DNAJA3: variants seen among roughly 807,000 people sequenced by gnomAD.
DNAJA3 encodes dnaJ homolog subfamily A member 3, mitochondrial.
A neutral mutation model predicts 54.9 loss-of-function variants in DNAJA3; 29 were observed. The ratio of observed to expected loss-of-function variants is 0.53; its 90% CI spans 0.39 to 0.72. The LOEUF is 0.72. Among genes scored for constraint, DNAJA3 ranks in the 30% least tolerant of loss-of-function variants. DNAJA3 has a pLI of 0.00. For synonymous variants in DNAJA3, 302 were observed against 251.4 expected, an observed-to-expected ratio of 1.20 and a Z score of -1.90; for missense variants, 708 against 639.4, an observed-to-expected ratio of 1.11 and a Z score of -1.16.
At chr16:4,453,917 C>A (rs974829272) in intron 10 of DNAJA3, among the ~76,000 whole-genome samples, 1 of 152,174 alleles carries the variant, frequency 6.6e-6, no homozygotes, top group African/African-American at 2.4e-5. Context: ...ATGAGCTCTA[C>A]AATTAACATG....
chr16:4,454,162 G>T (rs2057009027), intron 10 of DNAJA3, among the ~76,000 whole-genome samples: 1 of 152,220 alleles, frequency 6.6e-6, no homozygotes, highest in South Asian at 2.1e-4. Flanking sequence ...TGGAGTGCCT[G>T]TGACAAAGGA....
intron 10 of DNAJA3, among the ~76,000 whole-genome samples, chr16:4,452,837 A>C (rs1397525141): frequency 6.6e-6 from 1 of 152,132 alleles, no homozygotes; most frequent in Non-Finnish European, 1.5e-5. Flanking sequence ...CTTGAGCCTT[A>C]GTACTCAAGG....
At chr16:4,429,313 T>A (rs1225817862) in intron 1 of DNAJA3, among the ~76,000 whole-genome samples, 1 of 152,100 alleles carries the variant, frequency 6.6e-6, no homozygotes, top group African/African-American at 2.4e-5. Context: ...ATCCTCCGCT[T>A]CCTGGGTTCA....
chr16:4,429,951 G>A (rs1190337880), intron 1 of DNAJA3, among the ~76,000 whole-genome samples: 2 of 151,680 alleles, frequency 1.3e-5, no homozygotes, highest in Non-Finnish European at 2.9e-5. Flanking sequence ...GAGCCATGAT[G>A]ATGCCACTGC....
chr16:4,437,171 G>T (rs2056781677), intron 2 of DNAJA3, among the ~76,000 whole-genome samples: 1 of 152,006 alleles, frequency 6.6e-6, no homozygotes, highest in South Asian at 2.1e-4. Context: ...GGGTTTCGCT[G>T]TGTTGCCCAG....
intron 1 of DNAJA3, among the ~76,000 whole-genome samples, chr16:4,429,669 T>G (rs996912769): frequency 1.6e-4 from 25 of 152,184 alleles, no homozygotes; most frequent in Middle Eastern, 3.4e-3. Flanking sequence ...ACCCCGTCTC[T>G]ACAAAAAATA....
At chr16:4,447,254 G>A (rs989482884) in intron 8 of DNAJA3, 10 of 505,660 alleles carry the variant, frequency 2.0e-5, no homozygotes, top group African/African-American at 7.8e-5. Flanking sequence ...ACTGGTTAGC[G>A]GGGCCTGGGA....
intron 3 of DNAJA3, among the ~76,000 whole-genome samples, chr16:4,439,580 G>T (rs955770904): frequency 1.3e-5 from 2 of 152,146 alleles, no homozygotes; most frequent in Non-Finnish European, 2.9e-5. Context: ...TTTTCCACAT[G>T]GTTAGTTGAT....
At chr16:4,442,484 T>C (rs1449542102) in intron 5 of DNAJA3, 64 bp downstream of exon 5, 1 of 1,486,900 alleles carries the variant, frequency 6.7e-7, no homozygotes, top group East Asian at 2.4e-5. Flanking sequence ...GAGCTGGTTG[T>C]GGCACTGCTC....
At position 4,443,027 on chromosome 16, in the gene DNAJA3, A is replaced by C. The variant is rs370873962; in HGVS notation, c.794A>C (p.Asn265Thr). The C allele has an allele frequency of 2.5e-6, 4 of 1,614,066 alleles. No homozygotes were observed. The highest frequency in any genetic ancestry group is 3.4e-6 in the Non-Finnish European group (4 of 1,179,998). ...TCTTGTTTTTATCAGGAAACCATCA[A>C]CACAGGCCCTTTTGTGATGCGTTCC... is the stretch of plus-strand genomic sequence containing the variant. ...YCGGSGMETINTGPFVMRSTC... is the reference protein window; with the variant it reads ...YCGGSGMETITTGPFVMRSTC... The change falls in exon 6 of 12, where the codon AAC (asparagine) becomes ACC (threonine). Residue 265 changes from asparagine (N) to threonine (T), a missense_variant. By Grantham distance (65) the Asn-to-Thr change is moderately conservative (BLOSUM62 0). Coordinates refer to ENST00000262375, the MANE Select transcript of DNAJA3 (RefSeq NM_005147.6).
At chr16:4,447,450 T>C (rs6500602) in intron 8 of DNAJA3, 106,564 of 158,834 alleles carry the variant, frequency 0.67, 36,125 homozygotes, top group Non-Finnish European at 0.71. Flanking sequence ...CCTCCAGCTC[T>C]TCCCACCTCC....
At chr16:4,445,763 G>C (rs1034325990) in intron 7 of DNAJA3, among the ~76,000 whole-genome samples, 1 of 151,806 alleles carries the variant, frequency 6.6e-6, no homozygotes, top group Non-Finnish European at 1.5e-5. Context: ...TGTTGCCCAG[G>C]GTGGTCTCAA....
At chr16:4,446,148 T>C (rs2056899558) in intron 7 of DNAJA3, among the ~76,000 whole-genome samples, 1 of 149,540 alleles carries the variant, frequency 6.7e-6, no homozygotes, top group South Asian at 2.1e-4. Flanking sequence ...CTCGAATTCC[T>C]GACCTCAGGT....
At position 4,432,504 on chromosome 16, in the gene DNAJA3, G is replaced by A. The variant is rs187604006; in HGVS notation, c.212-1880G>A. On this transcript the variant is annotated intron_variant, in intron 1 of 11. Coordinates refer to ENST00000262375, the MANE Select transcript of DNAJA3 (RefSeq NM_005147.6). ...ATTACAGGCATGTACCACCACATCC[G>A]GCTAATTTTGTATTTTTAGTAGAGA... is the stretch of plus-strand genomic sequence containing the variant. Among the ~76,000 whole-genome samples, 413 of 151,350 alleles carry A rather than the reference G, an allele frequency of 2.7e-3. 1 individual carries two copies. The highest frequency in any genetic ancestry group is 3.8e-3 in the Non-Finnish European group (261 of 67,850).
At chr16:4,448,169 A>G (rs2056926953) in intron 8 of DNAJA3, among the ~76,000 whole-genome samples, 1 of 146,380 alleles carries the variant, frequency 6.8e-6, no homozygotes, top group Admixed American at 6.8e-5. Flanking sequence ...TGGGCCTACA[A>G]GCACGCGCCA....
At chr16:4,448,460 C>T (rs921568044) in intron 8 of DNAJA3, among the ~76,000 whole-genome samples, 1 of 152,132 alleles carries the variant, frequency 6.6e-6, no homozygotes, top group African/African-American at 2.4e-5. Context: ...TCTCCTACCT[C>T]AGCCTCCTGA....
At chr16:4,437,545 T>A in intron 3 of DNAJA3, 60 bp downstream of exon 3, 2 of 1,421,452 alleles carry the variant, frequency 1.4e-6, no homozygotes, top group Non-Finnish European at 2.0e-6. Flanking sequence ...AATCAAAGGT[T>A]GCATTGCTAC....
In DNAJA3 at chr16:4,455,571, C is replaced by G. The variant is rs202069889; in HGVS notation, c.*39C>G. The G allele has an allele frequency of 8.8e-4, 1,371 of 1,551,724 alleles. No individual in the cohort carries two copies. Among genetic ancestry groups the G allele is most frequent in the Non-Finnish European group, 1.1e-3 (1,318 of 1,146,962 alleles). ...GAAAAAGATCCACTGGAAACTAGGCCGGGAAGCAGCAGCCCCTCCAAGGGC... is the reference window on the plus strand; with the variant it reads ...GAAAAAGATCCACTGGAAACTAGGCGGGGAAGCAGCAGCCCCTCCAAGGGC... On this transcript the variant is annotated 3_prime_UTR_variant, in exon 12 of 12. Coordinates refer to ENST00000262375, the MANE Select transcript of DNAJA3 (RefSeq NM_005147.6).
At chr16:4,450,539 A>T in intron 10 of DNAJA3, 42 bp downstream of exon 10, 3 of 1,464,608 alleles carry the variant, frequency 2.0e-6, no homozygotes, top group South Asian at 1.2e-5. Flanking sequence ...TGGGGGCCTC[A>T]GAGCCCCCCA....
Sources: gnomAD v4.1 joint callset for allele counts (sites outside exome capture counted in the v4.1 genomes callset) on GRCh38, gnomAD v4.1.1 for gene constraint, MANE v1.5 for transcripts, NCBI Gene and HGNC (gene_info 2026-07-23, HGNC 2026-07-21) for gene names.